MFHAS1: variants seen among roughly 807,000 people sequenced by gnomAD.
MFHAS1 encodes the protein malignant fibrous histiocytoma-amplified sequence 1.
A neutral mutation model predicts 70.4 loss-of-function variants in MFHAS1; 50 were observed. That is an observed-to-expected ratio of 0.71 (90% CI 0.57 to 0.90). The LOEUF is 0.90. MFHAS1 is among the 40% of genes least tolerant of loss of function. The pLI is 0.00. For synonymous variants in MFHAS1, 952 were observed against 620.0 expected, an observed-to-expected ratio of 1.54 and a Z score of -7.96; for missense variants, 1,795 against 1,347.6, an observed-to-expected ratio of 1.33 and a Z score of -5.20.
At position 8,890,598 on chromosome 8, in the gene MFHAS1, G is replaced by C; in HGVS notation, c.2461C>G (p.Leu821Val). The C allele has an allele frequency of 6.2e-7, 1 of 1,613,868 alleles. No homozygotes were observed. Among genetic ancestry groups the C allele is most frequent in the Non-Finnish European group, 8.5e-7 (1 of 1,180,038 alleles). The change falls in exon 1 of 3, where the codon CTG (leucine) becomes GTG (valine). Residue 821 changes from leucine to valine, a missense_variant. Transcript: ENST00000276282. ...AGTCCCATCTTCTCCAGCAGCTCCAGCAACAGCTGCAAGTCCTGCTGGGCC... is the reference window on the plus strand; with the variant it reads ...AGTCCCATCTTCTCCAGCAGCTCCACCAACAGCTGCAAGTCCTGCTGGGCC... ...VQAQQDLQLL[L>V]ELLEKMGLCY...
At chr8:8,862,294 C>G (rs1808696088) in intron 1 of MFHAS1, among the ~76,000 whole-genome samples, 1 of 151,540 alleles carries the variant, frequency 6.6e-6, no homozygotes, top group Non-Finnish European at 1.5e-5. Flanking sequence ...ATGTTGACAT[C>G]TTATACTTAC....
chr8:8,822,635 G>A (rs1019267223), intron 1 of MFHAS1, among the ~76,000 whole-genome samples: 9 of 149,722 alleles, frequency 6.0e-5, no homozygotes, highest in African/African-American at 2.2e-4. Context: ...CAGGGGGACT[G>A]AGATGGAGAC....
chr8:8,814,242 T>C (rs1806654118), intron 1 of MFHAS1, among the ~76,000 whole-genome samples: 1 of 152,186 alleles, frequency 6.6e-6, no homozygotes, highest in Non-Finnish European at 1.5e-5. Context: ...CTGGTCACCA[T>C]TTTTTATCTT....
chr8:8,816,246 G>A (rs1293321582), intron 1 of MFHAS1, among the ~76,000 whole-genome samples: 1 of 152,164 alleles, frequency 6.6e-6, no homozygotes, highest in Non-Finnish European at 1.5e-5. Flanking sequence ...ATGGGTGTAT[G>A]TATATATCAA....
At chr8:8,847,011 A>G (rs1279883286) in intron 1 of MFHAS1, among the ~76,000 whole-genome samples, 1 of 152,190 alleles carries the variant, frequency 6.6e-6, no homozygotes, top group Non-Finnish European at 1.5e-5. Context: ...TGGATGAATA[A>G]ATGAATGAGT....
rs1043082671 is a variant in MFHAS1 at position 8,890,672 on chromosome 8, C to G, written c.2387G>C (p.Gly796Ala). ...CCGAATGACATGAGCTGGCAAGAGC[C>G]CATGCAACAGAAAGCCCTCCACATA... ...HQYVEGFLLH[G>A]LLPAHVIRLL... Residue 796 changes from glycine to alanine, a missense_variant, in exon 1 of 3, where the codon GGG (glycine) becomes GCG (alanine). Physicochemically the swap from Gly to Ala is moderately conservative, Grantham distance 60. Transcript: ENST00000276282. 2.6e-5 allele frequency: 42 copies of G among 1,613,306 alleles called. No individual in the cohort carries two copies. The highest frequency in any genetic ancestry group is 3.0e-5 in the Non-Finnish European group (35 of 1,179,564).
intron 1 of MFHAS1, among the ~76,000 whole-genome samples, chr8:8,812,737 G>C (rs1806596114): frequency 6.6e-6 from 1 of 152,116 alleles, no homozygotes; most frequent in African/African-American, 2.4e-5. Flanking sequence ...TTGATACTGT[G>C]AATAAAATAC....
rs141168624 is a variant in MFHAS1 at position 8,891,928 on chromosome 8, C to T, written c.1131G>A (p.Leu377=). 5 of 1,610,934 alleles carry T rather than the reference C, an allele frequency of 3.1e-6. No individual in the cohort carries two copies. The highest frequency in any genetic ancestry group is 1.7e-5 in the Admixed American group (1 of 59,876). Residue 377 remains leucine (L), a synonymous_variant, in exon 1 of 3, where the codon CTG becomes CTA. Transcript: ENST00000276282. This position sits in a 1 kb window ranked among gnomAD's most constrained non-coding sequence, Gnocchi z 5.4. ...TGCAGACCTCGTAGGGGGGCTGGAT[C>T]AGTGGGTTGTCTTTGATCTTCCACA... ...VGLWKIKDNP[L]IQPPYEVCMK...
rs371656093 is a variant in MFHAS1 at position 8,892,789 on chromosome 8, G to A, written c.270C>T (p.Arg90=). The A allele has an allele frequency of 1.3e-6, 2 of 1,584,576 alleles. No individual in the cohort carries two copies. Among genetic ancestry groups the A allele is most frequent in the South Asian group, 1.1e-5 (1 of 87,540 alleles). Residue 90 remains arginine (R), a synonymous_variant, in exon 1 of 3, where the codon CGC becomes CGT. Transcript: ENST00000276282. The surrounding 1 kb of genome is among the most constrained non-coding windows in gnomAD (Gnocchi z 4.7). ...AGCGGTTCCTGCGCAGGACCAGGAC[G>A]CGCAGGCTGCCCAGCGCCGACCCCA... The part of the protein sequence containing the change: ...EGLGSALGSL[R]VLVLRRNRFA...
chr8:8,794,369 C>T (rs11774860), intron 2 of MFHAS1, among the ~76,000 whole-genome samples: 28,904 of 152,008 alleles, frequency 0.19, 2,952 homozygotes, highest in African/African-American at 0.23. Context: ...GCTATCCTAA[C>T]CGATCCCCCC....
At chr8:8,798,280 G>C (rs565686795) in intron 1 of MFHAS1, among the ~76,000 whole-genome samples, 13 of 152,228 alleles carry the variant, frequency 8.5e-5, no homozygotes, top group African/African-American at 2.9e-4. Flanking sequence ...GCTGCAGATG[G>C]GACACATTAT....
At chr8:8,832,762 G>T (rs115733226) in intron 1 of MFHAS1, among the ~76,000 whole-genome samples, 1 of 150,408 alleles carries the variant, frequency 6.6e-6, no homozygotes, top group South Asian at 2.1e-4. Context: ...CTGACTCGCC[G>T]AGACTACAGG....
At chr8:8,888,812 G>A (rs1473599620) in intron 1 of MFHAS1, among the ~76,000 whole-genome samples, 1 of 152,078 alleles carries the variant, frequency 6.6e-6, no homozygotes, top group African/African-American at 2.4e-5. Flanking sequence ...CCCACAGAAT[G>A]CCCAACACAG....
intron 1 of MFHAS1, among the ~76,000 whole-genome samples, chr8:8,848,788 C>T (rs1585050135): frequency 6.6e-6 from 1 of 152,248 alleles, no homozygotes. Flanking sequence ...CCACAGGCTA[C>T]TTAACACAAA....
At chr8:8,853,776 G>A (rs991266100) in intron 1 of MFHAS1, among the ~76,000 whole-genome samples, 1 of 152,106 alleles carries the variant, frequency 6.6e-6, no homozygotes, top group African/African-American at 2.4e-5. Context: ...ATGTTGGGCA[G>A]GCTAGTCTCG....
intron 1 of MFHAS1, among the ~76,000 whole-genome samples, chr8:8,843,259 G>C (rs975602003): frequency 7.2e-6 from 1 of 138,252 alleles, no homozygotes; most frequent in African/African-American, 3.0e-5. Flanking sequence ...CTGGGCGACA[G>C]AGCGAGACTC....
At position 8,892,416 on chromosome 8, in the gene MFHAS1, G is replaced by C; in HGVS notation, c.643C>G (p.Arg215Gly). The change falls in exon 1 of 3, where the codon CGG becomes GGG. Residue 215 changes from arginine to glycine, a missense_variant. Coordinates refer to ENST00000276282, the MANE Select transcript of MFHAS1 (RefSeq NM_004225.3). This position sits in a 1 kb window ranked among gnomAD's most constrained non-coding sequence, Gnocchi z 4.7. Reference protein sequence around the residue: ...ALEELDVSSNRLRGLPEDISA... With the variant: ...ALEELDVSSNGLRGLPEDISA... ...ATATCCTCAGGCAGGCCCCGCAGCC[G>C]GTTGCTGGACACGTCCAGCTCCTCC... is the stretch of plus-strand genomic sequence containing the variant. The C allele has an allele frequency of 1.2e-6, 2 of 1,613,038 alleles. No homozygotes were observed. The highest frequency in any genetic ancestry group is 1.7e-6 in the Non-Finnish European group (2 of 1,179,792).
In MFHAS1 at chr8:8,785,807, T is replaced by G. The variant is rs2117236898; in HGVS notation, c.*215A>C. 1.9e-6 allele frequency: 1 copy of G among 539,266 alleles called. No homozygotes were observed. The highest frequency in any genetic ancestry group is 2.9e-5 in the East Asian group (1 of 34,138). 33.4% of individuals were successfully genotyped at this position (539,266 alleles called of 1,614,324 possible). On this transcript the variant is annotated 3_prime_UTR_variant, in exon 3 of 3. Coordinates refer to ENST00000276282, the MANE Select transcript of MFHAS1 (RefSeq NM_004225.3). ...AGGATCACAGTTCTGAGGTTCAGGTTGTAAAACATTTGCTCCATGTTCTCG... is the reference window on the plus strand; with the variant it reads ...AGGATCACAGTTCTGAGGTTCAGGTGGTAAAACATTTGCTCCATGTTCTCG...
intron 1 of MFHAS1, among the ~76,000 whole-genome samples, chr8:8,834,869 A>T (rs939078472): frequency 6.6e-6 from 1 of 152,236 alleles, no homozygotes; most frequent in African/African-American, 2.4e-5. Context: ...ATGCCACTGG[A>T]TATTTTAAAT....
Sources: gnomAD v4.1 joint callset for allele counts (sites outside exome capture counted in the v4.1 genomes callset) on GRCh38, gnomAD v4.1.1 for gene constraint, Gnocchi (gnomAD v3.1) non-coding constraint, MANE v1.5 for transcripts, NCBI Gene and HGNC (gene_info 2026-07-23, HGNC 2026-07-21) for gene names.